Variants in VPS13B observed in about 807,000 individuals in gnomAD.
VPS13B encodes the protein intermembrane lipid transfer protein VPS13B.
VPS13B carries 285 observed loss-of-function variants against 426.4 expected under a neutral mutation model. The ratio of observed to expected loss-of-function variants is 0.67; its 90% CI spans 0.61 to 0.74. The LOEUF is 0.74. Among genes scored for constraint, VPS13B ranks in the 30% least tolerant of loss-of-function variants. The probability of loss-of-function intolerance (pLI) is 0.00; values close to 1 mark genes in which losing one functional copy is unlikely to be tolerated. For synonymous variants in VPS13B, 1,676 were observed against 1,676.4 expected, an observed-to-expected ratio of 1.00 and a Z score of 0.01; for missense variants, 4,537 against 4,782.6, an observed-to-expected ratio of 0.95 and a Z score of 1.51.
At chr8:99,330,412 T>C (rs1489870393) in intron 19 of VPS13B, among the ~76,000 whole-genome samples, 1 of 151,896 alleles carries the variant, frequency 6.6e-6, no homozygotes, top group Non-Finnish European at 1.5e-5. Context: ...TTTAATCAAG[T>C]ACTGAATAAA....
At chr8:99,492,236 A>G (rs1820642675) in intron 25 of VPS13B, among the ~76,000 whole-genome samples, 1 of 152,148 alleles carries the variant, frequency 6.6e-6, no homozygotes, top group Non-Finnish European at 1.5e-5. Context: ...TTCCTCTGGA[A>G]GCTTCATCCC....
At chr8:99,483,277 T>C (rs1260056233) in intron 25 of VPS13B, among the ~76,000 whole-genome samples, 2 of 152,136 alleles carry the variant, frequency 1.3e-5, no homozygotes, top group South Asian at 2.1e-4. Context: ...TTCTTTCTCT[T>C]TTTTCTTTTT....
chr8:99,394,059 TG>T (rs1218558303), intron 21 of VPS13B, among the ~76,000 whole-genome samples: 2 of 152,144 alleles, frequency 1.3e-5, no homozygotes, highest in Non-Finnish European at 2.9e-5. Context: ...TGTTGGTTTT[TG>T]TTTGTTTTTT....
Position 99,474,183 on chromosome 8 carries a change from A to ATTTTTTTTT in VPS13B, c.3666+6561_3666+6569dup, listed in dbSNP as rs34752686. On this transcript the variant is annotated intron_variant, in intron 24 of 61. Transcript: ENST00000357162. Reference sequence around the variant, plus strand: ...TCTTCAAACAATGGACTGTTATCCAATTTTTTTTTTTTTTTTTTTTGTGGA... The same window carrying ATTTTTTTTT: ...TCTTCAAACAATGGACTGTTATCCAATTTTTTTTTTTTTTTTTTTTTTTTTTTTTGTGGA... 2.7e-3 allele frequency among the ~76,000 whole-genome samples: 341 copies of ATTTTTTTTT among 124,924 alleles called. 19 individuals are homozygous for ATTTTTTTTT. Among genetic ancestry groups the ATTTTTTTTT allele is most frequent in the African/African-American group, 0.01 (315 of 30,720 alleles). The allele number at this position is 124,924 out of a possible 152,430, so 82.0% of individuals were successfully genotyped here.
At chr8:99,029,106 C>T (rs535087041) in intron 2 of VPS13B, among the ~76,000 whole-genome samples, 18 of 148,104 alleles carry the variant, frequency 1.2e-4, no homozygotes, top group Admixed American at 3.3e-4. Context: ...GACAGGGTTG[C>T]GGCCGGGCAG....
chr8:99,128,991 C>G (rs1156630175), intron 8 of VPS13B, among the ~76,000 whole-genome samples: 3 of 151,654 alleles, frequency 2.0e-5, no homozygotes, highest in Non-Finnish European at 2.9e-5. Flanking sequence ...AAAAAATTTA[C>G]AAATAAATAT....
intron 26 of VPS13B, 52 bp downstream of exon 26, chr8:99,501,910 C>G: frequency 1.4e-6 from 2 of 1,409,160 alleles, no homozygotes; most frequent in African/African-American, 1.6e-5. Flanking sequence ...CTCCCTCCCT[C>G]CCTCCCTCCC....
At chr8:99,028,712 T>C (rs1262342512) in intron 2 of VPS13B, among the ~76,000 whole-genome samples, 124 of 80,482 alleles carry the variant, frequency 1.5e-3, no homozygotes, top group Admixed American at 2.1e-3. Context: ...GCTGGCCGGG[T>C]GGGGGGCTGA....
chr8:99,033,172 G>C (rs1359769584), intron 2 of VPS13B, among the ~76,000 whole-genome samples: 2 of 152,116 alleles, frequency 1.3e-5, no homozygotes, highest in Non-Finnish European at 2.9e-5. Context: ...AGTAGCTGTT[G>C]CTACTTCCTT....
intron 58 of VPS13B, among the ~76,000 whole-genome samples, chr8:99,866,094 C>G (rs1817082856): frequency 6.6e-6 from 1 of 152,242 alleles, no homozygotes; most frequent in Admixed American, 6.5e-5. Context: ...CTGGCTTCAT[C>G]AGATCACAGC....
At chr8:99,498,083 C>T (rs1821028789) in intron 25 of VPS13B, among the ~76,000 whole-genome samples, 1 of 151,984 alleles carries the variant, frequency 6.6e-6, no homozygotes, top group African/African-American at 2.4e-5. Context: ...TCAAAATATT[C>T]ATATAAAAAT....
At chr8:99,709,273 G>A (rs377405309) in intron 36 of VPS13B, among the ~76,000 whole-genome samples, 10 of 152,144 alleles carry the variant, frequency 6.6e-5, no homozygotes, top group Admixed American at 2.6e-4. Flanking sequence ...TTCTAATGAT[G>A]CATAGAAGCT....
chr8:99,741,948 A>G (rs981527147), intron 39 of VPS13B, among the ~76,000 whole-genome samples: 7 of 152,194 alleles, frequency 4.6e-5, no homozygotes, highest in African/African-American at 1.7e-4. Context: ...TTCAAAAGCT[A>G]GCAGAAGGCA....
intron 4 of VPS13B, among the ~76,000 whole-genome samples, chr8:99,101,206 A>C (rs1450042286): frequency 6.6e-6 from 1 of 152,090 alleles, no homozygotes; most frequent in Non-Finnish European, 1.5e-5. Context: ...ATCCCGGCTC[A>C]CTGCAAGCTC....
intron 36 of VPS13B, among the ~76,000 whole-genome samples, chr8:99,708,656 G>T (rs908867374): frequency 5.3e-5 from 8 of 152,042 alleles, no homozygotes. Context: ...CACCCATTTG[G>T]TCTATTATTT....
intron 19 of VPS13B, among the ~76,000 whole-genome samples, chr8:99,293,455 G>T (rs1819851201): frequency 9.3e-6 from 1 of 107,282 alleles, no homozygotes; most frequent in African/African-American, 3.7e-5. Context: ...GAAAACCTAG[G>T]CATTACCATT....
At chr8:99,379,486 T>C (rs2133283331) in intron 19 of VPS13B, among the ~76,000 whole-genome samples, 1 of 152,320 alleles carries the variant, frequency 6.6e-6, no homozygotes, top group South Asian at 2.1e-4. Flanking sequence ...TCTTGGTTTT[T>C]CCTGAATATT....
chr8:99,722,508 CTT>C (rs796198914), intron 39 of VPS13B, among the ~76,000 whole-genome samples: 253 of 138,872 alleles, frequency 1.8e-3, no homozygotes, highest in African/African-American at 5.6e-3. Context: ...TATGTAATTC[CTT>C]TTTTTTTTTT....
At chr8:99,744,867 G>A (rs1381591686) in intron 39 of VPS13B, among the ~76,000 whole-genome samples, 1 of 151,914 alleles carries the variant, frequency 6.6e-6, no homozygotes, top group Non-Finnish European at 1.5e-5. Context: ...TACACCCAAT[G>A]TTAAATGACG....
Sources: allele counts gnomAD v4.1 joint callset (sites outside exome capture counted in the v4.1 genomes callset), GRCh38; gene constraint gnomAD v4.1.1; transcripts MANE v1.5; gene names NCBI Gene and HGNC (gene_info 2026-07-23, HGNC 2026-07-21).